The following ROBO2 variants were observed in gnomAD, a reference collection of about 807,000 sequenced individuals.
The protein encoded by ROBO2 is roundabout homolog 2.
Under a neutral mutation model 160.8 loss-of-function variants are expected in ROBO2, and 53 were observed. That is an observed-to-expected ratio of 0.33 (90% CI 0.26 to 0.41). ROBO2 has a LOEUF of 0.41. Among genes scored for constraint, ROBO2 ranks in the 10% least tolerant of loss-of-function variants. The pLI is 1.00. For missense variants in ROBO2, 1,577 were observed against 1,722.4 expected, an observed-to-expected ratio of 0.92 and a Z score of 1.49; for synonymous variants, 664 against 611.7, an observed-to-expected ratio of 1.09 and a Z score of -1.26.
intron 5 of ROBO2, among the ~76,000 whole-genome samples, chr3:77,505,161 T>G (rs2088288373): frequency 6.6e-6 from 1 of 152,186 alleles, no homozygotes; most frequent in South Asian, 2.1e-4. Flanking sequence ...AAATGCATCT[T>G]TGTGTCCACC....
At chr3:76,725,346 C>A (rs2093533932) in intron 2 of ROBO2, among the ~76,000 whole-genome samples, 1 of 152,136 alleles carries the variant, frequency 6.6e-6, no homozygotes, top group Admixed American at 6.5e-5. Flanking sequence ...ATTGTCCTTG[C>A]ACAAATGACT....
chr3:77,335,814 T>C (rs2066438742), intron 2 of ROBO2, among the ~76,000 whole-genome samples: 1 of 152,184 alleles, frequency 6.6e-6, no homozygotes, highest in Non-Finnish European at 1.5e-5. Flanking sequence ...ACTTTGATTT[T>C]AAAGAGCTGA....
intron 2 of ROBO2, among the ~76,000 whole-genome samples, chr3:76,892,644 T>C (rs541845073): frequency 6.6e-6 from 1 of 152,284 alleles, no homozygotes; most frequent in Non-Finnish European, 1.5e-5. Context: ...CCTACATATC[T>C]ACCAAAAATA....
chr3:76,602,622 C>A (rs1002971309), intron 2 of ROBO2, among the ~76,000 whole-genome samples: 1 of 152,178 alleles, frequency 6.6e-6, no homozygotes, highest in Non-Finnish European at 1.5e-5. Flanking sequence ...AAGAACAGCA[C>A]AGGAAAGACC....
In ROBO2 at chr3:77,411,060, G is replaced by C. The variant is rs187104182; in HGVS notation, c.389-66354G>C. ...CTCAGACCATCCTCCTCCCACCTCAGCTTCCCCAAAATGCTGATATTACAG... is the reference window on the plus strand; with the variant it reads ...CTCAGACCATCCTCCTCCCACCTCACCTTCCCCAAAATGCTGATATTACAG... On this transcript the variant is annotated intron_variant, in intron 2 of 25. Transcript: ENST00000461745. Among the ~76,000 whole-genome samples, 449 of 152,138 alleles carry C rather than the reference G, an allele frequency of 3.0e-3. 2 individuals are homozygous for C. Among genetic ancestry groups the C allele is most frequent in the Middle Eastern group, 6.8e-3 (2 of 294 alleles).
At chr3:76,107,247 A>G (rs888987155) in intron 2 of ROBO2, among the ~76,000 whole-genome samples, 1 of 152,086 alleles carries the variant, frequency 6.6e-6, no homozygotes, top group Non-Finnish European at 1.5e-5. Context: ...GACTTAGGTT[A>G]TTTACTCAAG....
chr3:76,693,814 A>G (rs1191670087), intron 2 of ROBO2, among the ~76,000 whole-genome samples: 1 of 152,144 alleles, frequency 6.6e-6, no homozygotes, highest in Non-Finnish European at 1.5e-5. Flanking sequence ...GAGAGAATTT[A>G]TCTTGCCTTT....
rs117241407 is a variant in ROBO2 at position 76,723,551 on chromosome 3, A to T, written c.110-374463A>T. Among the ~76,000 whole-genome samples the T allele has an allele frequency of 7.9e-4, 120 of 152,128 alleles. 2 individuals are homozygous for T. In the East Asian group the frequency reaches 0.023, roughly 29 times the overall value. ...GGAACTGCCATTCTCCCAGCCTCCTATTATAAGTCTAGGCCCCGCCCACTT... is the reference window on the plus strand; with the variant it reads ...GGAACTGCCATTCTCCCAGCCTCCTTTTATAAGTCTAGGCCCCGCCCACTT... On this transcript the variant is annotated intron_variant, in intron 2 of 26. Coordinates refer to the ROBO2 transcript ENST00000487694.
intron 2 of ROBO2, among the ~76,000 whole-genome samples, chr3:76,664,823 G>T (rs2091961268): frequency 6.6e-6 from 1 of 152,130 alleles, no homozygotes; most frequent in Non-Finnish European, 1.5e-5. Flanking sequence ...AGTGGTCAAA[G>T]CAAAATATTC....
chr3:76,272,795 T>TTTATATATAAA (rs1707552358), intron 2 of ROBO2, among the ~76,000 whole-genome samples: 3 of 40,148 alleles, frequency 7.5e-5, no homozygotes, highest in South Asian at 7.5e-4. Context: ...ATAAAATATA[T>TTTATATATAAA]ATATATAAAA....
At chr3:76,094,623 A>G (rs964086211) in intron 2 of ROBO2, among the ~76,000 whole-genome samples, 1 of 152,180 alleles carries the variant, frequency 6.6e-6, no homozygotes, top group Non-Finnish European at 1.5e-5. Flanking sequence ...TAGTAACCCC[A>G]TTGTTTCTTT....
At chr3:77,253,536 T>C (rs1270633154) in intron 2 of ROBO2, among the ~76,000 whole-genome samples, 2 of 152,208 alleles carry the variant, frequency 1.3e-5, no homozygotes, top group Non-Finnish European at 2.9e-5. Flanking sequence ...GAGGTGTCTG[T>C]CCCAATGTGA....
intron 2 of ROBO2, among the ~76,000 whole-genome samples, chr3:76,987,266 A>G (rs543814752): frequency 6.6e-4 from 100 of 152,294 alleles, no homozygotes; most frequent in African/African-American, 2.3e-3. Flanking sequence ...ACTGCCCTCT[A>G]GAGATCTCGG....
chr3:77,344,374 A>G (rs2067398066), intron 2 of ROBO2, among the ~76,000 whole-genome samples: 1 of 152,206 alleles, frequency 6.6e-6, no homozygotes, highest in Non-Finnish European at 1.5e-5. Flanking sequence ...ATGTGTTGAA[A>G]TCCTAATCCC....
chr3:75,963,542 C>T (rs763534340), intron 2 of ROBO2, among the ~76,000 whole-genome samples: 6 of 151,820 alleles, frequency 4.0e-5, no homozygotes, highest in Non-Finnish European at 7.4e-5. Context: ...ATAAAATAAA[C>T]GAACTAAATC....
chr3:77,063,026 G>A (rs764155484), intron 1 of ROBO2, among the ~76,000 whole-genome samples: 42 of 152,162 alleles, frequency 2.8e-4, no homozygotes, highest in African/African-American at 8.2e-4. Flanking sequence ...TTATACTGCT[G>A]TGGGAATTTA....
At chr3:76,608,033 A>C (rs1051114762) in intron 2 of ROBO2, among the ~76,000 whole-genome samples, 1 of 152,256 alleles carries the variant, frequency 6.6e-6, no homozygotes, top group African/African-American at 2.4e-5. Context: ...AGAGAAAAAC[A>C]AAGCAAACAA....
intron 2 of ROBO2, among the ~76,000 whole-genome samples, chr3:76,860,785 C>G (rs762548717): frequency 8.5e-5 from 13 of 152,134 alleles, no homozygotes; most frequent in Non-Finnish European, 1.6e-4. Context: ...ATCACTTGTC[C>G]CTAGATGCTT....
At chr3:77,483,841 GA>G (rs938411535) in intron 4 of ROBO2, among the ~76,000 whole-genome samples, 4 of 150,110 alleles carry the variant, frequency 2.7e-5, no homozygotes, top group Non-Finnish European at 5.9e-5. Flanking sequence ...TAAATGTCAA[GA>G]AAAACAATGA....
Sources: allele counts gnomAD v4.1 joint callset (sites outside exome capture counted in the v4.1 genomes callset), GRCh38; gene constraint gnomAD v4.1.1; transcripts MANE v1.5; gene names NCBI Gene and HGNC (gene_info 2026-07-23, HGNC 2026-07-21).